Variants in ACKR3 observed in about 807,000 individuals in gnomAD.
ACKR3 encodes C-X-C chemokine receptor type 7.
In ACKR3, 6 loss-of-function variants were observed where a neutral mutation model predicts 22.4. The observed-to-expected ratio is 0.27, with a 90% CI of 0.15 to 0.53. The LOEUF is 0.53. Ranked by LOEUF, ACKR3 falls within the 20% of genes least tolerant of loss-of-function variation. The pLI, the probability that ACKR3 is intolerant of heterozygous loss-of-function variation, is 0.96. For missense variants in ACKR3, 396 were observed against 475.2 expected (o/e 0.83, Z 1.55); for synonymous variants, 209 against 205.2 (o/e 1.02, Z -0.16).
intron 1 of ACKR3, among the ~76,000 whole-genome samples, chr2:236,571,133 C>A (rs929408457): frequency 6.6e-6 from 1 of 152,194 alleles, no homozygotes; most frequent in South Asian, 2.1e-4. Flanking sequence ...CTTTAACTTT[C>A]CATAGATTTT....
At chr2:236,573,892 G>A (rs1470658893) in intron 1 of ACKR3, among the ~76,000 whole-genome samples, 1 of 152,152 alleles carries the variant, frequency 6.6e-6, no homozygotes, top group Non-Finnish European at 1.5e-5. Context: ...ACCTCCATTT[G>A]CTCTTCGTGG....
chr2:236,562,589 T>C, the ACKR3 span, among the ~76,000 whole-genome samples: 18,806 of 152,038 alleles, frequency 0.12, 1,901 homozygotes, highest in African/African-American at 0.28. Context: ...AAAGTGGACA[T>C]GCCAATTCAC....
At chr2:236,553,414 G>T in the ACKR3 span, among the ~76,000 whole-genome samples, 1 of 152,214 alleles carries the variant, frequency 6.6e-6, no homozygotes, top group African/African-American at 2.4e-5. Flanking sequence ...CTTTAATTTT[G>T]CTTGAGGCAG....
At position 236,577,846 on chromosome 2, in the gene ACKR3, G is replaced by C. The variant is rs1459909413; in HGVS notation, c.-26-2594G>C. On this transcript the variant is annotated intron_variant, in intron 1 of 1. Coordinates refer to ENST00000272928, the MANE Select transcript of ACKR3 (RefSeq NM_020311.3). This position sits in a 1 kb window ranked among gnomAD's most constrained non-coding sequence, Gnocchi z 5.6. Reference sequence around the variant, plus strand: ...CTGTGTGGCTGTGCCAGTGGGGACAGAGCAGGGAGCCCAAGCCAGGCGCCA... The same window carrying C: ...CTGTGTGGCTGTGCCAGTGGGGACACAGCAGGGAGCCCAAGCCAGGCGCCA... Among the ~76,000 whole-genome samples, 2 of 152,198 alleles carry C rather than the reference G, an allele frequency of 1.3e-5. No individual in the cohort carries two copies. Among genetic ancestry groups the C allele is most frequent in the Non-Finnish European group, 2.9e-5 (2 of 68,036 alleles).
At chr2:236,555,190 G>A in the ACKR3 span, among the ~76,000 whole-genome samples, 8 of 152,184 alleles carry the variant, frequency 5.3e-5, no homozygotes, top group South Asian at 8.3e-4. Context: ...TACATGAGCC[G>A]TTTTTCTGCT....
chr2:236,569,137 G>A (rs571404370), upstream of ACKR3, among the ~76,000 whole-genome samples: 13 of 152,348 alleles, frequency 8.5e-5, no homozygotes, highest in South Asian at 4.1e-4. Flanking sequence ...TTATCAAAAG[G>A]CATTTATTAT....
the ACKR3 span, among the ~76,000 whole-genome samples, chr2:236,562,382 T>G: frequency 6.6e-6 from 1 of 152,350 alleles, no homozygotes; most frequent in South Asian, 2.1e-4. Flanking sequence ...TCTCTCTTTA[T>G]GAAGGATATT....
intron 1 of ACKR3, among the ~76,000 whole-genome samples, chr2:236,573,221 G>A (rs935340189): frequency 3.3e-5 from 5 of 151,728 alleles, no homozygotes; most frequent in African/African-American, 1.2e-4. Flanking sequence ...TCAATGATGC[G>A]CAGTTGCCTA....
rs772591745 is a variant in ACKR3 at position 236,580,738 on chromosome 2, G to A, written c.273G>A (p.Leu91=). 5 of 1,614,160 alleles carry A rather than the reference G, an allele frequency of 3.1e-6. No homozygotes were observed. The highest frequency in any genetic ancestry group is 4.2e-6 in the Non-Finnish European group (5 of 1,180,046). Residue 91 remains leucine (L), a synonymous_variant, in exon 2 of 2, where the codon CTG becomes CTA. Coordinates refer to ENST00000272928, the MANE Select transcript of ACKR3 (RefSeq NM_020311.3). ...CYILNLAIAD[L]WVVLTIPVWV... is the part of the protein sequence containing the mutation. Reference sequence around the variant, plus strand: ...TCTTGAACCTGGCCATTGCCGACCTGTGGGTTGTCCTCACCATCCCAGTCT... The same window carrying A: ...TCTTGAACCTGGCCATTGCCGACCTATGGGTTGTCCTCACCATCCCAGTCT...
the ACKR3 span, among the ~76,000 whole-genome samples, chr2:236,556,908 G>A: frequency 2.0e-5 from 3 of 152,078 alleles, no homozygotes; most frequent in South Asian, 2.1e-4. Context: ...GGCTGATCTC[G>A]AGCTCCTGAC....
At chr2:236,551,982 G>A in the ACKR3 span, among the ~76,000 whole-genome samples, 1 of 152,140 alleles carries the variant, frequency 6.6e-6, no homozygotes, top group Non-Finnish European at 1.5e-5. Context: ...GTGGCTTGGT[G>A]ACCCTCCTGT....
At position 236,569,885 on chromosome 2, in the gene ACKR3, A is replaced by C. The variant is rs1417373024; in HGVS notation, c.-66A>C. Reference sequence around the variant, plus strand: ...AGCGCACAGCACAGCCAGGAAGGCGAGCGAGCCCAGCCAGCCCAGCCAGCC... The same window carrying C: ...AGCGCACAGCACAGCCAGGAAGGCGCGCGAGCCCAGCCAGCCCAGCCAGCC... On this transcript the variant is annotated 5_prime_UTR_variant, in exon 1 of 2. Transcript: ENST00000272928. 1 of 152,730 alleles carries C rather than the reference A, an allele frequency of 6.5e-6. No individual in the cohort carries two copies. The allele number at this position is 152,730 out of a possible 1,614,324, so 9.5% of individuals were successfully genotyped here.
chr2:236,569,181 T>C (rs891724855), upstream of ACKR3, among the ~76,000 whole-genome samples: 2 of 152,264 alleles, frequency 1.3e-5, no homozygotes, highest in African/African-American at 4.8e-5. Flanking sequence ...GGGCAGACAC[T>C]GTAGAATACT....
the ACKR3 span, among the ~76,000 whole-genome samples, chr2:236,540,058 A>G: frequency 6.6e-6 from 1 of 152,212 alleles, no homozygotes; most frequent in African/African-American, 2.4e-5. Flanking sequence ...GACACAGCCA[A>G]CTGTATCATA....
chr2:236,557,281 T>TGTGTGTGC, the ACKR3 span, among the ~76,000 whole-genome samples: 1 of 151,938 alleles, frequency 6.6e-6, no homozygotes, highest in African/African-American at 2.4e-5. Flanking sequence ...TGTGTGTGTG[T>TGTGTGTGC]GCATACGTAT....
chr2:236,561,956 T>C, the ACKR3 span, among the ~76,000 whole-genome samples: 3 of 152,270 alleles, frequency 2.0e-5, no homozygotes, highest in African/African-American at 7.2e-5. Flanking sequence ...CCATATGGCT[T>C]TTATTTCTTT....
the ACKR3 span, among the ~76,000 whole-genome samples, chr2:236,545,607 C>T: frequency 1.3e-5 from 2 of 152,072 alleles, no homozygotes; most frequent in Admixed American, 6.6e-5. This position sits in a 1 kb window ranked among gnomAD's most constrained non-coding sequence, Gnocchi z 5.3. Flanking sequence ...TGTATCAAAT[C>T]GTCAATAAAA....
the ACKR3 span, among the ~76,000 whole-genome samples, chr2:236,560,294 C>T: frequency 2.7e-5 from 4 of 147,610 alleles, no homozygotes; most frequent in East Asian, 1.9e-4. Context: ...AATTTCTCCA[C>T]GTCCTCACCA....
At chr2:236,571,962 G>A (rs370215481) in intron 1 of ACKR3, among the ~76,000 whole-genome samples, 3 of 152,120 alleles carry the variant, frequency 2.0e-5, no homozygotes, top group Admixed American at 1.3e-4. Flanking sequence ...GTATTAAAAC[G>A]CCTTCAATTG....
Sources: allele counts gnomAD v4.1 joint callset (sites outside exome capture counted in the v4.1 genomes callset), GRCh38; gene constraint gnomAD v4.1.1; non-coding constraint Gnocchi (gnomAD v3.1); transcripts MANE v1.5; gene names NCBI Gene and HGNC (gene_info 2026-07-23, HGNC 2026-07-21).